The following DNER variants were observed in gnomAD, a reference collection of about 807,000 sequenced individuals.
DNER encodes delta/notch like EGF repeat containing, also known as delta and Notch-like epidermal growth factor-related receptor.
Under a neutral mutation model 78.2 loss-of-function variants are expected in DNER, and 33 were observed. The ratio of observed to expected loss-of-function variants is 0.42; its 90% CI spans 0.32 to 0.56. The LOEUF is 0.56. DNER is among the 20% of genes least tolerant of loss of function. The pLI, the probability that DNER is intolerant of heterozygous loss-of-function variation, is 0.11. For missense variants in DNER, 918 were observed against 975.3 expected (o/e 0.94, Z 0.78); for synonymous variants, 417 against 384.8 (o/e 1.08, Z -0.98).
intron 4 of DNER, among the ~76,000 whole-genome samples, chr2:229,571,570 C>T (rs1477979438): frequency 1.3e-5 from 2 of 152,138 alleles, no homozygotes; most frequent in Non-Finnish European, 1.5e-5. Flanking sequence ...CTACGGAAGA[C>T]TCCCACCTCT....
chr2:229,632,041 A>T (rs1698441448), intron 1 of DNER, among the ~76,000 whole-genome samples: 1 of 152,216 alleles, frequency 6.6e-6, no homozygotes, highest in African/African-American at 2.4e-5. Flanking sequence ...GAACTTTTAG[A>T]GCTAATATAA....
chr2:229,611,608 T>G (rs753827337), intron 1 of DNER, among the ~76,000 whole-genome samples: 53 of 152,176 alleles, frequency 3.5e-4, no homozygotes, highest in Non-Finnish European at 6.6e-4. Flanking sequence ...TGAAATCAAC[T>G]AGGTTGGCAA....
intron 10 of DNER, among the ~76,000 whole-genome samples, chr2:229,404,940 A>AC (rs1693349271): frequency 6.6e-6 from 1 of 152,248 alleles, no homozygotes; most frequent in Admixed American, 6.5e-5. Flanking sequence ...ATGGACTAAA[A>AC]TATAACATAT....
At chr2:229,483,306 C>T (rs1695204749) in intron 6 of DNER, among the ~76,000 whole-genome samples, 1 of 152,158 alleles carries the variant, frequency 6.6e-6, no homozygotes, top group Non-Finnish European at 1.5e-5. Context: ...ATGAGTCTTC[C>T]AATCACAAGA....
intron 8 of DNER, among the ~76,000 whole-genome samples, chr2:229,423,992 G>A (rs1025930023): frequency 2.6e-5 from 4 of 152,186 alleles, no homozygotes; most frequent in Non-Finnish European, 5.9e-5. Flanking sequence ...GTCTGCAAAC[G>A]CAGTATTCAC....
intron 1 of DNER, among the ~76,000 whole-genome samples, chr2:229,603,564 G>T (rs777852727): frequency 6.6e-6 from 1 of 152,142 alleles, no homozygotes; most frequent in African/African-American, 2.4e-5. Flanking sequence ...CTTGTGTAAA[G>T]AATATAAACA....
chr2:229,515,051 G>A (rs1407528822), intron 5 of DNER, among the ~76,000 whole-genome samples: 2 of 152,136 alleles, frequency 1.3e-5, no homozygotes, highest in African/African-American at 2.4e-5. Context: ...TTCTTAAGCT[G>A]GAGCTATATT....
At chr2:229,487,868 T>G (rs2154211618) in intron 6 of DNER, among the ~76,000 whole-genome samples, 1 of 152,338 alleles carries the variant, frequency 6.6e-6, no homozygotes, top group Non-Finnish European at 1.5e-5. Flanking sequence ...CAGGCACATG[T>G]GCATGGCAGT....
rs573825799 is a variant in DNER, at chr2:229,403,121, G to A, written c.1723+4111C>T. On this transcript the variant is annotated intron_variant, in intron 10 of 12. Coordinates refer to ENST00000341772, the MANE Select transcript of DNER (RefSeq NM_139072.4). ...CTAATTATATAGCAATGATTTGCCC[G>A]ATTCACTCCACTCGGTCAAGCAGAG... Among the ~76,000 whole-genome samples, 16 of 152,256 alleles carry A rather than the reference G, an allele frequency of 1.1e-4. No homozygotes were observed. The South Asian group carries it at 2.3e-3, about 22-fold the overall frequency.
chr2:229,465,521 G>T (rs1461217892), intron 7 of DNER, among the ~76,000 whole-genome samples: 2 of 151,894 alleles, frequency 1.3e-5, no homozygotes, highest in African/African-American at 4.8e-5. Context: ...AATCACCATG[G>T]CACACATTTA....
chr2:229,421,635 A>G (rs749678353), intron 8 of DNER, among the ~76,000 whole-genome samples: 3 of 15,758 alleles, frequency 1.9e-4, no homozygotes, highest in Non-Finnish European at 5.7e-4. Flanking sequence ...TGAAATATAT[A>G]TATATATATA....
chr2:229,636,826 T>C (rs1046421477), intron 1 of DNER, among the ~76,000 whole-genome samples: 1 of 152,184 alleles, frequency 6.6e-6, no homozygotes, highest in Admixed American at 6.5e-5. Context: ...GATCCAGGCC[T>C]GGCCATACAA....
At chr2:229,671,161 C>T (rs1282523351) in intron 1 of DNER, among the ~76,000 whole-genome samples, 1 of 152,224 alleles carries the variant, frequency 6.6e-6, no homozygotes, top group African/African-American at 2.4e-5. Context: ...CTGGCACCAA[C>T]CTGCTTGCTC....
intron 1 of DNER, among the ~76,000 whole-genome samples, chr2:229,713,848 G>T (rs1252860065): frequency 1.3e-5 from 2 of 152,102 alleles, no homozygotes; most frequent in East Asian, 3.9e-4. Context: ...CGGCCTGGAG[G>T]GGCGCGCCAC....
chr2:229,507,656 T>C (rs1695772554), intron 6 of DNER, among the ~76,000 whole-genome samples: 1 of 152,202 alleles, frequency 6.6e-6, no homozygotes, highest in Non-Finnish European at 1.5e-5. Flanking sequence ...ATATACTATG[T>C]ATTTATAGAA....
intron 1 of DNER, among the ~76,000 whole-genome samples, chr2:229,619,542 T>C (rs1248718289): frequency 6.6e-6 from 1 of 152,188 alleles, no homozygotes; most frequent in Non-Finnish European, 1.5e-5. Context: ...GGCAATGTCC[T>C]AGGGCTTCTG....
intron 1 of DNER, among the ~76,000 whole-genome samples, chr2:229,605,318 C>T (rs1388086566): frequency 6.6e-6 from 1 of 152,144 alleles, no homozygotes; most frequent in Non-Finnish European, 1.5e-5. Flanking sequence ...CACCTTAATT[C>T]TGCAGCTCTG....
intron 10 of DNER, among the ~76,000 whole-genome samples, chr2:229,399,381 A>G (rs954536773): frequency 6.6e-6 from 1 of 151,920 alleles, no homozygotes; most frequent in African/African-American, 2.4e-5. Flanking sequence ...AAAAATGTTG[A>G]TGAAAGAAAT....
chr2:229,596,966 TGCACACACCTGC>T (rs1229803421), intron 1 of DNER, among the ~76,000 whole-genome samples: 10 of 151,910 alleles, frequency 6.6e-5, no homozygotes, highest in Non-Finnish European at 7.4e-5. Context: ...CGCATATACA[TGCACACACCTGC>T]GCACACACAT....
Sources: allele counts gnomAD v4.1 joint callset (sites outside exome capture counted in the v4.1 genomes callset), GRCh38; gene constraint gnomAD v4.1.1; transcripts MANE v1.5; gene names NCBI Gene and HGNC (gene_info 2026-07-23, HGNC 2026-07-21).